The following TMED7 variants were observed in gnomAD, a reference collection of about 807,000 sequenced individuals.
The protein encoded by TMED7 is transmembrane emp24 domain-containing protein 7.
Under a neutral mutation model 23.4 loss-of-function variants are expected in TMED7, and 8 were observed. That is an observed-to-expected ratio of 0.34 (90% CI 0.20 to 0.62). The LOEUF (loss-of-function observed/expected upper bound fraction) is 0.62, where lower values mean the gene tolerates loss of function less well. TMED7 is among the 20% of genes least tolerant of loss of function. TMED7 has a pLI of 0.77. For synonymous variants in TMED7, 121 were observed against 108.5 expected, an observed-to-expected ratio of 1.12 and a Z score of -0.72; for missense variants, 232 against 279.1, an observed-to-expected ratio of 0.83 and a Z score of 1.20.
intron 2 of TMED7, among the ~76,000 whole-genome samples, chr5:115,618,694 G>C (rs578023312): frequency 1.3e-5 from 2 of 152,226 alleles, no homozygotes; most frequent in African/African-American, 4.8e-5. Context: ...ACTTCTTACT[G>C]CATATTATGA....
In TMED7 at chr5:115,620,525, A is replaced by T. The variant is rs373134126; in HGVS notation, c.348T>A (p.Thr116=). ...YKFCFSNEFS[T]FTHKTVYFDF... ...CAAAATATACAGTTTTATGTGTGAA[A>T]GTAGAAAATTCATTGCTGAAGCAAA... Residue 116 remains threonine, a synonymous_variant, in exon 2 of 3, where the codon ACT becomes ACA. Transcript: ENST00000456936. The T allele has an allele frequency of 2.5e-6, 4 of 1,605,032 alleles. No individual in the cohort carries two copies. The African/African-American group carries it at 5.4e-5, about 22-fold the overall frequency.
Position 115,615,466 on chromosome 5 carries a change from A to G in TMED7, c.*743T>C, listed in dbSNP as rs975214657. ...CGTGTAACTCACTAAAAATTTTCCTATTTCATTTGCCCCCATTGTAGTGTC... is the reference window on the plus strand; with the variant it reads ...CGTGTAACTCACTAAAAATTTTCCTGTTTCATTTGCCCCCATTGTAGTGTC... On this transcript the variant is annotated 3_prime_UTR_variant, in exon 3 of 3. Transcript: ENST00000456936. The G allele has an allele frequency of 7.9e-5, 12 of 152,216 alleles. No homozygotes were observed. The highest frequency in any genetic ancestry group is 1.3e-4 in the Admixed American group (2 of 15,268). 9.4% of individuals were successfully genotyped at this position (152,216 alleles called of 1,614,324 possible).
Position 115,625,808 on chromosome 5 carries a change from G to A in TMED7, c.-16C>T, listed in dbSNP as rs1356840051. ...GCCGCGGCATCCCGAGAAGGCGGCG[G>A]CGGCCTCAACCGAGCTGCGAGACGC... On this transcript the variant is annotated 5_prime_UTR_variant, in exon 1 of 3. Coordinates refer to ENST00000456936, the MANE Select transcript of TMED7 (RefSeq NM_181836.6). The A allele has an allele frequency of 4.3e-6, 6 of 1,403,082 alleles. No homozygotes were observed. The highest frequency in any genetic ancestry group is 4.6e-6 in the Non-Finnish European group (5 of 1,084,418). The allele number at this position is 1,403,082 out of a possible 1,614,324, so 86.9% of individuals were successfully genotyped here. A position where few individuals can be genotyped will look rare whatever the true frequency, so the allele number is the denominator to read the frequency against.
intron 2 of TMED7, among the ~76,000 whole-genome samples, chr5:115,617,678 T>C (rs2112568711): frequency 6.6e-6 from 1 of 152,286 alleles, no homozygotes; most frequent in African/African-American, 2.4e-5. Context: ...AGGCAAGGAG[T>C]TGACCCAAAT....
chr5:115,617,208 G>A (rs1485254680), intron 2 of TMED7, among the ~76,000 whole-genome samples: 2 of 152,004 alleles, frequency 1.3e-5, no homozygotes, highest in African/African-American at 4.8e-5. Flanking sequence ...GTATACCATG[G>A]TTTAATATTT....
chr5:115,614,008 G>A lies in TMED7; in HGVS notation c.*2201C>T, dbSNP rs370351399. Reference sequence around the variant, plus strand: ...ATTATGTTCAAACATAAATATCTGGGAAATTCAAACTGCTGCAACAAGTTA... The same window carrying A: ...ATTATGTTCAAACATAAATATCTGGAAAATTCAAACTGCTGCAACAAGTTA... On this transcript the variant is annotated 3_prime_UTR_variant, in exon 3 of 3. Transcript: ENST00000456936. The A allele has an allele frequency of 1.2e-4, 18 of 152,360 alleles. No individual in the cohort carries two copies. The highest frequency in any genetic ancestry group is 9.6e-4 in the East Asian group (5 of 5,200). The allele number at this position is 152,360 out of a possible 1,614,324, so 9.4% of individuals were successfully genotyped here. A position where few individuals can be genotyped will look rare whatever the true frequency, so the allele number is the denominator to read the frequency against.
At chr5:115,621,994 T>G (rs1005853180) in intron 1 of TMED7, among the ~76,000 whole-genome samples, 1 of 152,198 alleles carries the variant, frequency 6.6e-6, no homozygotes, top group African/African-American at 2.4e-5. Flanking sequence ...TATGCACTTA[T>G]GAAACTGTAA....
At chr5:115,621,219 T>C (rs1161290840) in intron 1 of TMED7, among the ~76,000 whole-genome samples, 10 of 152,222 alleles carry the variant, frequency 6.6e-5, no homozygotes, top group Non-Finnish European at 1.5e-4. Flanking sequence ...TTCATACTTC[T>C]ATCATAGAAC....
At position 115,614,529 on chromosome 5, in the gene TMED7, A is replaced by G. The variant is rs747731262; in HGVS notation, c.*1680T>C. On this transcript the variant is annotated 3_prime_UTR_variant, in exon 3 of 3. Transcript: ENST00000456936. The stretch of plus-strand genomic sequence containing the variant: ...GGGACACTTGCAAAGCCGCAAGACA[A>G]CTTCAGTACAAAAACCCAAATTGAT... The G allele has an allele frequency of 6.6e-6, 1 of 152,586 alleles. No individual in the cohort carries two copies. The allele number at this position is 152,586 out of a possible 1,614,324, so 9.5% of individuals were successfully genotyped here.
intron 1 of TMED7, among the ~76,000 whole-genome samples, chr5:115,621,424 T>C (rs751634286): frequency 2.0e-5 from 3 of 152,176 alleles, no homozygotes; most frequent in Non-Finnish European, 4.4e-5. Context: ...AAATAAAATA[T>C]TGTTGAAACT....
rs1177830057 is a variant in TMED7 at position 115,625,662 on chromosome 5, T to C, written c.131A>G (p.Asn44Ser). The stretch of plus-strand genomic sequence containing the variant: ...GTCCTCGTAGAAGCACTGCTTGGCG[T>C]TGTCAGGAAGCTCGAAGGTGATCTC... ...ASEITFELPD[N>S]AKQCFYEDIA... Residue 44 changes from asparagine (N) to serine (S), a missense_variant, in exon 1 of 3, where the codon AAC becomes AGC. Physicochemically the swap from Asn to Ser is conservative, Grantham distance 46 (BLOSUM62 1). Transcript: ENST00000456936. 8 of 1,602,912 alleles carry C rather than the reference T, an allele frequency of 5.0e-6. No homozygotes were observed. Among genetic ancestry groups the C allele is most frequent in the South Asian group, 1.1e-5 (1 of 89,314 alleles).
chr5:115,618,601 G>A (rs1024799246), intron 2 of TMED7, among the ~76,000 whole-genome samples: 3 of 151,784 alleles, frequency 2.0e-5, no homozygotes, highest in African/African-American at 4.8e-5. Context: ...TGTATTTCTT[G>A]TAAACTGGCA....
At chr5:115,618,014 T>G (rs381461) in intron 2 of TMED7, among the ~76,000 whole-genome samples, 147,547 of 152,338 alleles carry the variant, frequency 0.97, 71,513 homozygotes, top group East Asian at 1. Flanking sequence ...GGCTGGTCTC[T>G]AACTACTGAC....
intron 1 of TMED7, among the ~76,000 whole-genome samples, chr5:115,620,890 T>G (rs961568848): frequency 2.0e-5 from 3 of 152,210 alleles, no homozygotes; most frequent in African/African-American, 7.2e-5. Flanking sequence ...TTATTCACTT[T>G]GAACTAGCCA....
intron 1 of TMED7, 107 bp downstream of exon 1, chr5:115,625,494 T>C (rs1345827294): frequency 9.3e-6 from 12 of 1,290,398 alleles, no homozygotes; most frequent in Admixed American, 4.0e-5. Context: ...GATTTTTGAA[T>C]TAGCCTAAGA....
At chr5:115,620,413 T>C (rs766263998) in intron 2 of TMED7, 22 bp downstream of exon 2, 6 of 1,480,694 alleles carry the variant, frequency 4.1e-6, no homozygotes, top group Non-Finnish European at 5.4e-6. Flanking sequence ...ACCAACATTA[T>C]ATTGCTGATT....
rs868258878 is a variant in TMED7, at chr5:115,616,255, C to A, written c.629G>T (p.Ser210Ile). 6.2e-7 allele frequency: 1 copy of A among 1,614,084 alleles called. No homozygotes were observed. Among genetic ancestry groups the A allele is most frequent in the African/African-American group, 1.3e-5 (1 of 75,046 alleles). Residue 210 changes from serine to isoleucine, a missense_variant, in exon 3 of 3, where the codon AGC becomes ATC. Physicochemically the swap from Ser to Ile is moderately radical, Grantham distance 142. Coordinates refer to ENST00000456936, the MANE Select transcript of TMED7 (RefSeq NM_181836.6). Reference protein sequence around the residue: ...VSIGQVFLLKSFFSDKRTTTT... With the variant: ...VSIGQVFLLKIFFSDKRTTTT... ...GGTGGTTCTTTTATCTGAGAAAAAG[C>A]TTTTCAAAAGAAATACCTGCCCTAT...
Position 115,625,999 on chromosome 5 carries a change from G to A in TMED7, c.-207C>T. ...CGGGCGGACCTGGGGAGGTAAAAGA[G>A]AAGCGGAAAAGGCCTGAGAGGGTCG... On this transcript the variant is annotated 5_prime_UTR_variant, in exon 1 of 3. Transcript: ENST00000456936. The A allele has an allele frequency of 1.6e-6, 1 of 629,700 alleles. No homozygotes were observed. The highest frequency in any genetic ancestry group is 2.3e-6 in the Non-Finnish European group (1 of 434,212). The allele number at this position is 629,700 out of a possible 1,614,324, so 39.0% of individuals were successfully genotyped here. A position where few individuals can be genotyped will look rare whatever the true frequency, so the allele number is the denominator to read the frequency against.
intron 1 of TMED7, among the ~76,000 whole-genome samples, chr5:115,621,097 T>C (rs919132284): frequency 2.6e-5 from 4 of 152,198 alleles, no homozygotes; most frequent in Non-Finnish European, 4.4e-5. Flanking sequence ...CTAAGCTTAC[T>C]GCCTGCAATA....
Sources: allele counts gnomAD v4.1 joint callset (sites outside exome capture counted in the v4.1 genomes callset), GRCh38; gene constraint gnomAD v4.1.1; transcripts MANE v1.5; gene names NCBI Gene and HGNC (gene_info 2026-07-23, HGNC 2026-07-21).